The following GPHN variants were observed in gnomAD, a reference collection of about 807,000 sequenced individuals.
The protein encoded by GPHN is gephyrin.
GPHN carries 17 observed loss-of-function variants against 95.5 expected under a neutral mutation model. That is an observed-to-expected ratio of 0.18 (90% CI 0.12 to 0.27). GPHN has a LOEUF of 0.27. GPHN is among the 10% of genes least tolerant of loss of function. The pLI is 1.00. For missense variants in GPHN, 660 were observed against 978.1 expected (o/e 0.67, Z 4.34); for synonymous variants, 320 against 322.5 (o/e 0.99, Z 0.08).
intron 1 of GPHN, among the ~76,000 whole-genome samples, chr14:66,677,824 T>C (rs2153391737): frequency 6.6e-6 from 1 of 152,242 alleles, no homozygotes; most frequent in Admixed American, 6.5e-5. Context: ...CATCTTTAGA[T>C]CCATTTGGAC....
At chr14:67,652,126 A>T in the GPHN span, among the ~76,000 whole-genome samples, 4 of 152,198 alleles carry the variant, frequency 2.6e-5, no homozygotes, top group Non-Finnish European at 5.9e-5. Context: ...CCTGTGCCCA[A>T]GGTCACGTAC....
chr14:67,508,753 C>CAAAAAAAAAAAAAAA, the GPHN span, among the ~76,000 whole-genome samples: 117 of 46,698 alleles, frequency 2.5e-3, 22 homozygotes, highest in Non-Finnish European at 3.8e-3. Flanking sequence ...AACCTTGTCT[C>CAAAAAAAAAAAAAAA]AAAAAAAAAA....
At chr14:67,631,090 C>G in the GPHN span, among the ~76,000 whole-genome samples, 1 of 152,204 alleles carries the variant, frequency 6.6e-6, no homozygotes, top group African/African-American at 2.4e-5. Context: ...CTCTCCTAAC[C>G]TGTCCTTTCG....
At chr14:67,678,926 C>T in the GPHN span, among the ~76,000 whole-genome samples, 1 of 151,908 alleles carries the variant, frequency 6.6e-6, no homozygotes, top group Non-Finnish European at 1.5e-5. Flanking sequence ...GCTTCGAAAA[C>T]AACAAAAGGA....
chr14:66,557,027 T>A (rs1378962934), intron 1 of GPHN, among the ~76,000 whole-genome samples: 1 of 152,004 alleles, frequency 6.6e-6, no homozygotes, highest in African/African-American at 2.4e-5. Context: ...ACAAGACCGT[T>A]TCTATACAAA....
intron 17 of GPHN, among the ~76,000 whole-genome samples, chr14:67,135,875 T>C (rs184507278): frequency 3.3e-5 from 5 of 152,294 alleles, no homozygotes; most frequent in African/African-American, 1.2e-4. Flanking sequence ...CTGCATGACT[T>C]CTATCTTTTG....
At chr14:67,505,136 C>T in the GPHN span, among the ~76,000 whole-genome samples, 1 of 151,990 alleles carries the variant, frequency 6.6e-6, no homozygotes, top group Non-Finnish European at 1.5e-5. Context: ...AGTGTGACAC[C>T]AAAGAAGGAT....
chr14:66,765,310 T>C (rs1399505641), intron 2 of GPHN, among the ~76,000 whole-genome samples: 1 of 152,204 alleles, frequency 6.6e-6, no homozygotes, highest in Non-Finnish European at 1.5e-5. Flanking sequence ...AATTCCATTA[T>C]TGGATACATA....
intron 2 of GPHN, among the ~76,000 whole-genome samples, chr14:66,685,870 A>C (rs549625514): frequency 1.7e-4 from 26 of 152,266 alleles, no homozygotes; most frequent in East Asian, 3.9e-4. Context: ...TAGGGTTTTT[A>C]TGGTTTTAGG....
intron 2 of GPHN, among the ~76,000 whole-genome samples, chr14:66,740,604 T>C (rs2072718612): frequency 6.6e-6 from 1 of 152,028 alleles, no homozygotes; most frequent in African/African-American, 2.4e-5. Flanking sequence ...CTTAGTGATG[T>C]ATTCTAGAAC....
the GPHN span, chr14:67,649,103 T>C: frequency 6.6e-6 from 1 of 152,196 alleles, no homozygotes; most frequent in African/African-American, 2.4e-5. Context: ...GCCAGAGAAC[T>C]TGGGGGTTCA....
At chr14:67,237,877 G>A in the GPHN span, among the ~76,000 whole-genome samples, 2 of 152,088 alleles carry the variant, frequency 1.3e-5, no homozygotes, top group African/African-American at 2.4e-5. Context: ...TCTGACAGGG[G>A]GGTTTAAACC....
rs116454830 is a variant in GPHN, at chr14:67,062,780, G to C, written c.1144+3994G>C. 5.5e-3 allele frequency among the ~76,000 whole-genome samples: 838 copies of C among 152,136 alleles called. 3 individuals carry two copies. Among genetic ancestry groups the C allele is most frequent in the African/African-American group, 0.019 (801 of 41,492 alleles). The stretch of plus-strand genomic sequence containing the variant: ...TGATGGGTTGTTTGGTTTTTTTCTT[G>C]TAAATTTGTTTAAGTTCTTTTAGTA... On this transcript the variant is annotated intron_variant, in intron 11 of 22. Transcript: ENST00000478722.
At chr14:67,538,551 G>T in the GPHN span, among the ~76,000 whole-genome samples, 1 of 152,226 alleles carries the variant, frequency 6.6e-6, no homozygotes, top group Non-Finnish European at 1.5e-5. Context: ...GTGAGGCTCA[G>T]CTTACTGGTA....
chr14:66,845,648 G>A (rs1303427914), intron 4 of GPHN, among the ~76,000 whole-genome samples: 1 of 152,092 alleles, frequency 6.6e-6, no homozygotes, highest in Non-Finnish European at 1.5e-5. Flanking sequence ...ATGTTTAGAG[G>A]AACCAGCAAT....
At chr14:67,234,557 T>C in the GPHN span, among the ~76,000 whole-genome samples, 1 of 152,096 alleles carries the variant, frequency 6.6e-6, no homozygotes, top group Non-Finnish European at 1.5e-5. Flanking sequence ...CACTCTTTGC[T>C]TGTTTGTTTT....
chr14:67,602,131 A>T, the GPHN span, among the ~76,000 whole-genome samples: 1 of 152,212 alleles, frequency 6.6e-6, no homozygotes, highest in East Asian at 1.9e-4. Flanking sequence ...TATAAAGAAA[A>T]GAGGTTTATT....
At position 66,524,222 on chromosome 14, in the gene GPHN, G is replaced by C. The variant is rs185338288; in HGVS notation, c.64+15631G>C. Among the ~76,000 whole-genome samples, 3 of 152,072 alleles carry C rather than the reference G, an allele frequency of 2.0e-5. No individual in the cohort carries two copies. The East Asian group carries it at 5.8e-4, about 29-fold the overall frequency. ...TAAAGTTTGAAATATTATGCAACTG[G>C]GGCAGTAATGCAGGGTGGTAAAGTG... On this transcript the variant is annotated intron_variant, in intron 1 of 22. Transcript: ENST00000478722.
the GPHN span, among the ~76,000 whole-genome samples, chr14:67,357,778 C>T: frequency 1.3e-5 from 2 of 152,152 alleles, no homozygotes; most frequent in African/African-American, 4.8e-5. Context: ...CAAGAAGAGT[C>T]AGAGAAGAGA....
Sources: allele counts gnomAD v4.1 joint callset (sites outside exome capture counted in the v4.1 genomes callset), GRCh38; gene constraint gnomAD v4.1.1; transcripts MANE v1.5; gene names NCBI Gene and HGNC (gene_info 2026-07-23, HGNC 2026-07-21).